MAPRE2: variants seen among roughly 807,000 people sequenced by gnomAD.
MAPRE2 encodes the protein microtubule associated protein RP/EB family member 2.
In MAPRE2, 13 loss-of-function variants were observed where a neutral mutation model predicts 43.2. That is an observed-to-expected ratio of 0.30 (90% CI 0.20 to 0.48). The LOEUF (loss-of-function observed/expected upper bound fraction) is 0.48. MAPRE2 is among the 20% of genes least tolerant of loss of function. MAPRE2 has a pLI of 0.99. For synonymous variants in MAPRE2, 135 were observed against 148.8 expected (o/e 0.91, Z 0.68); for missense variants, 161 against 400.2 (o/e 0.40, Z 5.10).
At chr18:35,127,330 G>A (rs1327798316) in intron 5 of MAPRE2, 1 of 441,774 alleles carries the variant, frequency 2.3e-6, no homozygotes, top group Non-Finnish European at 4.1e-6. Context: ...CCTTGCTGCA[G>A]ACTTCAGGCT....
In MAPRE2 at chr18:35,069,016, TC is replaced by T. The variant is rs376769522; in HGVS notation, c.123-1175del. On this transcript the variant is annotated intron_variant, in intron 1 of 6. Transcript: ENST00000300249. Reference sequence around the variant, plus strand: ...CAGAGTTGTGCTAGATGGCATCAAATCCCCGTCCCATTAGAACTTGAATAAG... The same window carrying T: ...CAGAGTTGTGCTAGATGGCATCAAATCCCGTCCCATTAGAACTTGAATAAG... Among the ~76,000 whole-genome samples, 235 of 152,162 alleles carry T rather than the reference TC, an allele frequency of 1.5e-3. 1 individual carries two copies. The highest frequency in any genetic ancestry group is 2.9e-3 in the Non-Finnish European group (196 of 67,982).
chr18:35,116,357 T>C (rs1909411555), intron 4 of MAPRE2, among the ~76,000 whole-genome samples: 1 of 152,204 alleles, frequency 6.6e-6, no homozygotes, highest in Non-Finnish European at 1.5e-5. Context: ...GCTCTTCTTA[T>C]TGCTACAAAA....
intron 1 of MAPRE2, among the ~76,000 whole-genome samples, chr18:35,053,050 CTT>C (rs1005013573): frequency 7.0e-5 from 10 of 143,200 alleles, no homozygotes; most frequent in African/African-American, 2.5e-4. Flanking sequence ...TTCACAATGA[CTT>C]TTACAGCAAT....
At chr18:35,093,915 A>G (rs1175535641) in intron 2 of MAPRE2, among the ~76,000 whole-genome samples, 1 of 152,200 alleles carries the variant, frequency 6.6e-6, no homozygotes, top group Non-Finnish European at 1.5e-5. Context: ...CTTGCTCTCA[A>G]ATCCCAGGAG....
intron 1 of MAPRE2, among the ~76,000 whole-genome samples, chr18:35,001,984 C>T (rs1240900589): frequency 6.6e-6 from 1 of 152,128 alleles, no homozygotes; most frequent in Non-Finnish European, 1.5e-5. Context: ...ACTTACAGCA[C>T]AATGTCACAA....
intron 2 of MAPRE2, among the ~76,000 whole-genome samples, chr18:35,072,908 C>A (rs1603397781): frequency 6.6e-6 from 1 of 152,154 alleles, no homozygotes; most frequent in East Asian, 1.9e-4. Flanking sequence ...TTTAAAGTTT[C>A]CTTTCTGCTC....
intron 4 of MAPRE2, among the ~76,000 whole-genome samples, chr18:35,104,651 C>T (rs190158563): frequency 2.6e-5 from 4 of 152,018 alleles, no homozygotes; most frequent in African/African-American, 7.2e-5. Flanking sequence ...GGAGCCAAAG[C>T]GATAGGAGAG....
At chr18:34,991,971 T>C (rs555274715) in intron 1 of MAPRE2, among the ~76,000 whole-genome samples, 9 of 152,192 alleles carry the variant, frequency 5.9e-5, no homozygotes, top group Non-Finnish European at 1.3e-4. Context: ...AGGGTTGCTA[T>C]TGGAATCTGA....
At chr18:35,115,806 A>G (rs1909385914) in intron 4 of MAPRE2, among the ~76,000 whole-genome samples, 1 of 152,080 alleles carries the variant, frequency 6.6e-6, no homozygotes, top group East Asian at 1.9e-4. Flanking sequence ...TATCTTTGCT[A>G]TTGTGAATTG....
At chr18:35,005,301 C>A in intron 1 of MAPRE2, among the ~76,000 whole-genome samples, 1 of 152,132 alleles carries the variant, frequency 6.6e-6, no homozygotes, top group South Asian at 2.1e-4. Flanking sequence ...GAGTATAATT[C>A]TATTGTCTGG....
At chr18:35,062,153 G>A (rs1233009348) in intron 1 of MAPRE2, among the ~76,000 whole-genome samples, 1 of 152,114 alleles carries the variant, frequency 6.6e-6, no homozygotes, top group Non-Finnish European at 1.5e-5. Context: ...CAGAGGAAAA[G>A]ACGTTTGGGG....
chr18:35,128,766 T>TG (rs900146040), intron 5 of MAPRE2, among the ~76,000 whole-genome samples: 5 of 152,302 alleles, frequency 3.3e-5, no homozygotes, highest in African/African-American at 1.2e-4. Context: ...TTTCTTATCT[T>TG]GTGTTTCTTC....
chr18:35,026,673 C>T (rs1296534865), intron 2 of MAPRE2, among the ~76,000 whole-genome samples: 1 of 152,170 alleles, frequency 6.6e-6, no homozygotes, highest in Non-Finnish European at 1.5e-5. Context: ...ACTGCTGTTG[C>T]CCTAAACAGT....
At chr18:35,005,337 AGATT>A (rs1158619881) in intron 1 of MAPRE2, among the ~76,000 whole-genome samples, 2 of 152,218 alleles carry the variant, frequency 1.3e-5, no homozygotes, top group African/African-American at 4.8e-5. Context: ...TCATATGGTA[AGATT>A]GATTGACTTT....
At chr18:34,978,557 G>A (rs1159784132) in intron 1 of MAPRE2, 3 of 1,551,452 alleles carry the variant, frequency 1.9e-6, no homozygotes, top group African/African-American at 2.7e-5. Context: ...CTGAAGAATG[G>A]CAACATTTCC....
At chr18:35,123,850 A>C (rs1049700346) in intron 4 of MAPRE2, among the ~76,000 whole-genome samples, 2 of 152,218 alleles carry the variant, frequency 1.3e-5, no homozygotes, top group African/African-American at 4.8e-5. Flanking sequence ...TGAGAGCATA[A>C]GGTGACTAAA....
intron 2 of MAPRE2, among the ~76,000 whole-genome samples, chr18:35,094,491 A>C (rs1219723242): frequency 1.3e-5 from 2 of 152,204 alleles, no homozygotes; most frequent in Non-Finnish European, 2.9e-5. Context: ...ATCTAAGTAC[A>C]TGTATTAGGA....
At chr18:35,006,681 C>T (rs549484695) in intron 2 of MAPRE2, among the ~76,000 whole-genome samples, 3 of 152,182 alleles carry the variant, frequency 2.0e-5, no homozygotes, top group Non-Finnish European at 4.4e-5. Flanking sequence ...TAGATGTTTT[C>T]TCCTGTTGCT....
intron 2 of MAPRE2, among the ~76,000 whole-genome samples, chr18:35,011,120 G>A (rs2097034369): frequency 6.6e-6 from 1 of 152,168 alleles, no homozygotes; most frequent in African/African-American, 2.4e-5. Context: ...TGCAGGGAAT[G>A]TTAATGAAAT....
Sources: allele counts gnomAD v4.1 joint callset (sites outside exome capture counted in the v4.1 genomes callset), GRCh38; gene constraint gnomAD v4.1.1; transcripts MANE v1.5; gene names NCBI Gene and HGNC (gene_info 2026-07-23, HGNC 2026-07-21).